Variants in GSR observed in about 807,000 individuals in gnomAD.
The protein encoded by GSR is glutathione-disulfide reductase.
GSR carries 48 observed loss-of-function variants against 56.5 expected under a neutral mutation model. The observed-to-expected ratio is 0.85, with a 90% CI of 0.67 to 1.08. GSR has a LOEUF of 1.08. Among genes scored for constraint, GSR ranks in the 50% least tolerant of loss-of-function variants. The pLI is 0.00. For synonymous variants in GSR, 264 were observed against 270.8 expected (o/e 0.97, Z 0.25); for missense variants, 694 against 703.3 (o/e 0.99, Z 0.15).
intron 9 of GSR, 108 bp from the exon 10 acceptor site, chr8:30,684,307 A>G (rs772956164): frequency 6.4e-6 from 5 of 776,310 alleles, no homozygotes; most frequent in Non-Finnish European, 1.2e-5. Context: ...TGCAGCCAGA[A>G]TCTCCAAGAA....
chr8:30,695,022 C>G (rs1276181810), intron 7 of GSR, among the ~76,000 whole-genome samples: 1 of 151,616 alleles, frequency 6.6e-6, no homozygotes, highest in African/African-American at 2.4e-5. Flanking sequence ...ATGATCATGC[C>G]ACTGTACTGC....
chr8:30,700,244 C>T (rs1170888377), intron 5 of GSR, 109 bp from the exon 6 acceptor site: 18 of 825,634 alleles, frequency 2.2e-5, no homozygotes, highest in Middle Eastern at 2.2e-4. Context: ...ACATAGTCTC[C>T]GTTTTGACAA....
intron 1 of GSR, among the ~76,000 whole-genome samples, chr8:30,714,257 G>GCC (rs1804252624): frequency 8.3e-6 from 1 of 120,576 alleles, no homozygotes; most frequent in Non-Finnish European, 1.6e-5. Flanking sequence ...TGTCACTCAG[G>GCC]CTGGAGTGCC....
At chr8:30,699,520 C>T (rs774602583) in intron 6 of GSR, among the ~76,000 whole-genome samples, 1 of 152,038 alleles carries the variant, frequency 6.6e-6, no homozygotes, top group African/African-American at 2.4e-5. Flanking sequence ...TCTTGTCTCA[C>T]TGCAACTCCG....
chr8:30,685,337 C>T (rs1018132318), intron 9 of GSR, among the ~76,000 whole-genome samples: 22 of 152,220 alleles, frequency 1.4e-4, no homozygotes, highest in African/African-American at 5.3e-4. Context: ...GTGATCCTCA[C>T]GCCTAGGTCT....
intron 10 of GSR, among the ~76,000 whole-genome samples, chr8:30,683,691 G>A (rs530804834): frequency 6.4e-4 from 97 of 150,482 alleles, no homozygotes; most frequent in African/African-American, 2.2e-3. Flanking sequence ...GCCCAGGAAG[G>A]TTGAAACTGC....
rs55702917 is a variant in GSR, at chr8:30,700,723, C to CA, written c.641-589dup. Among the ~76,000 whole-genome samples, 60 of 80,054 alleles carry CA rather than the reference C, an allele frequency of 7.5e-4. 2 individuals are homozygous for CA. Among genetic ancestry groups the CA allele is most frequent in the African/African-American group, 2.5e-3 (55 of 22,186 alleles). 52.5% of individuals were successfully genotyped at this position (80,054 alleles called of 152,430 possible). On this transcript the variant is annotated intron_variant, in intron 5 of 12. Transcript: ENST00000221130. ...TGGGAACAGAGCAAGATTTTGTCTC[C>CA]AAAAAAAAAAAAAAAAAAAAAAAAA... is the stretch of plus-strand genomic sequence containing the variant.
chr8:30,683,665 T>G (rs1390176798), intron 10 of GSR, among the ~76,000 whole-genome samples: 1 of 149,544 alleles, frequency 6.7e-6, no homozygotes, highest in African/African-American at 2.5e-5. Flanking sequence ...GAGTCTGAGG[T>G]GGGAGGATCA....
At chr8:30,713,998 T>C (rs962410384) in intron 1 of GSR, among the ~76,000 whole-genome samples, 1 of 152,172 alleles carries the variant, frequency 6.6e-6, no homozygotes. Context: ...TAGATTTCTA[T>C]GCACTATATG....
chr8:30,713,484 G>A (rs940847687), intron 1 of GSR, among the ~76,000 whole-genome samples: 2 of 151,596 alleles, frequency 1.3e-5, no homozygotes, highest in African/African-American at 2.4e-5. Context: ...TCAGCCTCCC[G>A]AGTAGCTGAG....
rs147868999 is a variant in GSR at position 30,706,393 on chromosome 8, C to T, written c.492+1679G>A. Among the ~76,000 whole-genome samples, 1,291 of 151,906 alleles carry T rather than the reference C, an allele frequency of 8.5e-3. 22 individuals are homozygous for T. The highest frequency in any genetic ancestry group is 0.03 in the African/African-American group (1,230 of 41,428). On this transcript the variant is annotated intron_variant, in intron 4 of 12. Coordinates refer to ENST00000221130, the MANE Select transcript of GSR (RefSeq NM_000637.5). ...GGGCACGTGCCTGTAGTCCCAGCTA[C>T]TCGGGAGGCTGAGGCACAAGAATTG...
In GSR at chr8:30,706,508, T is replaced by C. The variant is rs567531830; in HGVS notation, c.492+1564A>G. On this transcript the variant is annotated intron_variant, in intron 4 of 12. Transcript: ENST00000221130. ...ACAGAGCAAGATTCTGTTTCACAAA[T>C]AAACAAACAAACAAACAAACAAACA... is the stretch of plus-strand genomic sequence containing the variant. Among the ~76,000 whole-genome samples the C allele has an allele frequency of 3.6e-4, 54 of 149,576 alleles. 2 individuals carry two copies. The highest frequency in any genetic ancestry group is 1.0e-3 in the South Asian group (5 of 4,800).
At chr8:30,713,449 C>G (rs1271313654) in intron 1 of GSR, among the ~76,000 whole-genome samples, 1 of 152,046 alleles carries the variant, frequency 6.6e-6, no homozygotes, top group Non-Finnish European at 1.5e-5. Context: ...ACCTCTGCCT[C>G]CCAGGCTCAA....
chr8:30,717,973 T>C (rs2128748301), intron 1 of GSR, among the ~76,000 whole-genome samples: 1 of 151,766 alleles, frequency 6.6e-6, no homozygotes, highest in South Asian at 2.1e-4. Flanking sequence ...TGGTGGTGGG[T>C]GCCTGTAATC....
At chr8:30,682,127 C>T (rs1802982306) in intron 10 of GSR, 66 bp from the exon 11 acceptor site, 2 of 1,329,592 alleles carry the variant, frequency 1.5e-6, no homozygotes, top group Non-Finnish European at 2.2e-6. Flanking sequence ...AATTGTTCCA[C>T]TAGCCATTTA....
chr8:30,725,398 T>C (rs1431226368), intron 1 of GSR, among the ~76,000 whole-genome samples: 1 of 150,536 alleles, frequency 6.6e-6, no homozygotes, highest in Admixed American at 6.6e-5. Context: ...AGCCTGGCTC[T>C]ACTAAAAATA....
At chr8:30,727,404 G>T in intron 1 of GSR, 126 bp downstream of exon 1, 2 of 929,724 alleles carry the variant, frequency 2.2e-6, no homozygotes, top group African/African-American at 1.7e-5. Context: ...ATGGGGAGTT[G>T]CGGGGGTGGA....
At chr8:30,680,719 G>A (rs1304871410) in intron 12 of GSR, among the ~76,000 whole-genome samples, 185 bp downstream of exon 12, 1 of 151,942 alleles carries the variant, frequency 6.6e-6, no homozygotes, top group Non-Finnish European at 1.5e-5. Flanking sequence ...TAAAAGGAGT[G>A]GAACCTCCTT....
At position 30,723,818 on chromosome 8, in the gene GSR, A is replaced by C. The variant is rs2056884; in HGVS notation, c.306+3712T>G. On this transcript the variant is annotated intron_variant, in intron 1 of 12. Coordinates refer to ENST00000221130, the MANE Select transcript of GSR (RefSeq NM_000637.5). ...CACACACACACACACACACACACAC[A>C]CCCAGGTCTGCTGGGACCTAGTACA... 6.0e-3 allele frequency among the ~76,000 whole-genome samples: 112 copies of C among 18,630 alleles called. No individual in the cohort carries two copies. The East Asian group carries it at 0.24, about 40-fold the overall frequency. The allele number at this position is 18,630 out of a possible 152,430, so 12.2% of individuals were successfully genotyped here. A position where few individuals can be genotyped will look rare whatever the true frequency, so the allele number is the denominator to read the frequency against.
Sources: gnomAD v4.1 joint callset for allele counts (sites outside exome capture counted in the v4.1 genomes callset) on GRCh38, gnomAD v4.1.1 for gene constraint, MANE v1.5 for transcripts, NCBI Gene and HGNC (gene_info 2026-07-23, HGNC 2026-07-21) for gene names.